Variants in TRIM49B observed in about 807,000 individuals in gnomAD.
The protein encoded by TRIM49B is putative tripartite motif-containing protein 49B.
Under a neutral mutation model 31.8 loss-of-function variants are expected in TRIM49B, and 18 were observed. The ratio of observed to expected loss-of-function variants is 0.57; its 90% CI spans 0.39 to 0.84. TRIM49B has a LOEUF of 0.84. TRIM49B is among the 40% of genes least tolerant of loss of function. TRIM49B has a pLI of 0.00. For synonymous variants in TRIM49B, 196 were observed against 180.6 expected (o/e 1.09, Z -0.68); for missense variants, 494 against 538.7 (o/e 0.92, Z 0.82).
At chr11:49,034,054 T>C in intron 3 of TRIM49B, 92 bp from the exon 4 acceptor site, 5 of 1,603,356 alleles carry the variant, frequency 3.1e-6, no homozygotes, top group African/African-American at 2.7e-5. Context: ...AGGTTTGAAC[T>C]ATTGGACATT....
At position 49,030,503 on chromosome 11, in the gene TRIM49B, T is replaced by G. The variant is rs550022558; in HGVS notation, c.-4-1093T>G. On this transcript the variant is annotated intron_variant, in intron 1 of 6. Coordinates refer to ENST00000332682, the MANE Select transcript of TRIM49B (RefSeq NM_001206626.2). The stretch of plus-strand genomic sequence containing the variant: ...CCAACATAGGCTGTCTCTAAGCTGG[T>G]GTCCTGAGAATACCGGTATCCTGGC... Among the ~76,000 whole-genome samples, 60 of 152,260 alleles carry G rather than the reference T, an allele frequency of 3.9e-4. 1 individual carries two copies. The highest frequency in any genetic ancestry group is 1.4e-3 in the African/African-American group (58 of 41,540).
intron 5 of TRIM49B, 29 bp from the exon 6 acceptor site, chr11:49,036,272 A>G (rs775902141): frequency 1.6e-5 from 26 of 1,577,686 alleles, no homozygotes; most frequent in Middle Eastern, 4.6e-4. Context: ...ATGGCTGTAG[A>G]TGTTGTAACT....
At chr11:49,036,126 T>C (rs1401076718) in intron 5 of TRIM49B, among the ~76,000 whole-genome samples, 175 bp from the exon 6 acceptor site, 2 of 152,182 alleles carry the variant, frequency 1.3e-5, no homozygotes, top group Non-Finnish European at 2.9e-5. Context: ...GATTCTTCCA[T>C]CATGCTTAAA....
At chr11:49,030,108 C>A (rs184987997) in intron 1 of TRIM49B, among the ~76,000 whole-genome samples, 184 of 152,278 alleles carry the variant, frequency 1.2e-3, no homozygotes, top group Non-Finnish European at 1.9e-3. Flanking sequence ...CCAAAGCGGG[C>A]AGATAACCTG....
At chr11:49,035,339 A>G (rs1313943326) in intron 5 of TRIM49B, among the ~76,000 whole-genome samples, 1 of 56,774 alleles carries the variant, frequency 1.8e-5, no homozygotes, top group African/African-American at 7.5e-5. Context: ...TTGATTCCTG[A>G]TTTTTTTTTT....
intron 1 of TRIM49B, among the ~76,000 whole-genome samples, chr11:49,030,948 C>T (rs576223295): frequency 1.3e-5 from 2 of 150,568 alleles, no homozygotes; most frequent in Admixed American, 1.3e-4. Context: ...TACTAGTGAA[C>T]CTTGATTGGT....
chr11:49,029,343 A>G (rs1460405030), intron 1 of TRIM49B, among the ~76,000 whole-genome samples: 3 of 152,124 alleles, frequency 2.0e-5, no homozygotes, highest in Non-Finnish European at 4.4e-5. Context: ...TGCTTTCATA[A>G]CATTCAGGTT....
rs1377733363 is a variant in TRIM49B, at chr11:49,038,140, G to A, written c.*163G>A. The A allele has an allele frequency of 4.2e-6, 6 of 1,442,018 alleles. No individual in the cohort carries two copies. The highest frequency in any genetic ancestry group is 5.6e-6 in the Non-Finnish European group (6 of 1,079,372). The allele number at this position is 1,442,018 out of a possible 1,614,324, so 89.3% of individuals were successfully genotyped here. ...CATTTATTGTGTTACTATTAAATAT[G>A]CTGAAAACACTAAAAGTATATGTAT... On this transcript the variant is annotated 3_prime_UTR_variant, in exon 7 of 7. Transcript: ENST00000332682.
Position 49,031,619 on chromosome 11 carries a change from A to C in TRIM49B, c.20A>C (p.Gln7Pro), listed in dbSNP as rs772670849. Reference sequence around the variant, plus strand: ...AGAAACATGAATTCTGGAATCTTACAGGTCTTTCAGAGGGAACTCATCTGC... The same window carrying C: ...AGAAACATGAATTCTGGAATCTTACCGGTCTTTCAGAGGGAACTCATCTGC... MNSGILQVFQRELICPI... is the reference protein window; with the variant it reads MNSGILPVFQRELICPI... The change falls in exon 2 of 7, where the codon CAG becomes CCG. Residue 7 changes from glutamine (Q) to proline (P), a missense_variant. Physicochemically the swap from Gln to Pro is moderately conservative, Grantham distance 76 (BLOSUM62 -1). Coordinates refer to ENST00000332682, the MANE Select transcript of TRIM49B (RefSeq NM_001206626.2). 1.1e-5 allele frequency: 18 copies of C among 1,613,798 alleles called. No individual in the cohort carries two copies. The African/African-American group carries it at 2.3e-4, about 20-fold the overall frequency.
intron 1 of TRIM49B, 129 bp from the exon 2 acceptor site, chr11:49,031,467 A>G: frequency 6.7e-7 from 1 of 1,487,602 alleles, no homozygotes; most frequent in Non-Finnish European, 9.0e-7. Flanking sequence ...TTGTAACAGA[A>G]GAAATAGTTT....
At chr11:49,032,651 G>T (rs1343781160) in intron 3 of TRIM49B, among the ~76,000 whole-genome samples, 1 of 151,796 alleles carries the variant, frequency 6.6e-6, no homozygotes, top group Non-Finnish European at 1.5e-5. Flanking sequence ...CAAGAAACTG[G>T]GCCATCGCAC....
At chr11:49,035,239 T>C (rs1854508094) in intron 5 of TRIM49B, 122 bp downstream of exon 5, 11 of 1,513,290 alleles carry the variant, frequency 7.3e-6, no homozygotes, top group South Asian at 2.6e-5. Context: ...TACCACTTTT[T>C]TTTTGCATCT....
Position 49,031,747 on chromosome 11 carries a change from G to A in TRIM49B, c.148G>A (p.Val50Ile). 6.2e-7 allele frequency: 1 copy of A among 1,613,932 alleles called. No homozygotes were observed. Among genetic ancestry groups the A allele is most frequent in the African/African-American group, 1.3e-5 (1 of 75,034 alleles). The change falls in exon 2 of 7, where the codon GTC becomes ATC. Residue 50 changes from valine (V) to isoleucine (I), a missense_variant. Transcript: ENST00000332682. Reference protein sequence around the residue: ...YLNWKDSPFLVQCSECTKSTG... With the variant: ...YLNWKDSPFLIQCSECTKSTG... ...CAACTGGAAAGACAGCCCATTTCTTGTCCAGTGCTCTGAATGCACAAAGTC... is the reference window on the plus strand; with the variant it reads ...CAACTGGAAAGACAGCCCATTTCTTATCCAGTGCTCTGAATGCACAAAGTC...
rs554781750 is a variant in TRIM49B, at chr11:49,034,163, G to C, written c.525G>C (p.Arg175Ser). Reference sequence around the variant, plus strand: ...CACTGCAGGATTATGTGAATTTAAGGCTAGAAGCAATTAGAGCTGAGTATC... The same window carrying C: ...CACTGCAGGATTATGTGAATTTAAGCCTAGAAGCAATTAGAGCTGAGTATC... ...TRCWKDYVNLRLEAIRAEYQK... is the reference protein window; with the variant it reads ...TRCWKDYVNLSLEAIRAEYQK... The change falls in exon 4 of 7, where the codon AGG becomes AGC. Residue 175 changes from arginine (R) to serine (S), a missense_variant. By Grantham distance (110) the Arg-to-Ser change is moderately radical (BLOSUM62 -1). Coordinates refer to ENST00000332682, the MANE Select transcript of TRIM49B (RefSeq NM_001206626.2). The C allele has an allele frequency of 2.5e-5, 40 of 1,611,828 alleles. No individual in the cohort carries two copies. The South Asian group carries it at 3.6e-4, about 15-fold the overall frequency.
chr11:49,029,936 G>T (rs182525751), intron 1 of TRIM49B, among the ~76,000 whole-genome samples: 198 of 152,270 alleles, frequency 1.3e-3, no homozygotes, highest in African/African-American at 4.5e-3. Context: ...ATACTGTACA[G>T]GTTTGTAGCC....
chr11:49,038,081 A>C lies in TRIM49B; in HGVS notation c.*104A>C, dbSNP rs543822967. 4.5e-6 allele frequency: 7 copies of C among 1,557,112 alleles called. No individual in the cohort carries two copies. The East Asian group carries it at 1.6e-4, about 35-fold the overall frequency. ...ATACAGGACAAATAGGCTCTATTTT[A>C]TATCTTGAATTGCCTTCTAATGTTA... On this transcript the variant is annotated 3_prime_UTR_variant, in exon 7 of 7. Coordinates refer to ENST00000332682, the MANE Select transcript of TRIM49B (RefSeq NM_001206626.2).
At chr11:49,037,417 T>G in intron 6 of TRIM49B, 61 bp from the exon 7 acceptor site, 1 of 1,522,570 alleles carries the variant, frequency 6.6e-7, no homozygotes, top group Non-Finnish European at 8.8e-7. Context: ...AGTAACTTCT[T>G]GATAGACAAT....
rs1270374893 is a variant in TRIM49B at position 49,037,463 on chromosome 11, C to G, written c.860-15C>G. On this transcript the variant is annotated splice_polypyrimidine_tract_variant and intron_variant, in intron 6 of 6. Transcript: ENST00000332682. ...TTATTTACACGTCTATGCATGTTTT[C>G]TCTTTTTTTTGCAGTGCATATTACT... 8 of 1,605,202 alleles carry G rather than the reference C, an allele frequency of 5.0e-6. No individual in the cohort carries two copies. The highest frequency in any genetic ancestry group is 6.8e-6 in the Non-Finnish European group (8 of 1,176,828).
intron 1 of TRIM49B, among the ~76,000 whole-genome samples, chr11:49,031,107 C>G (rs1449443150): frequency 6.6e-6 from 1 of 151,542 alleles, no homozygotes; most frequent in Non-Finnish European, 1.5e-5. Context: ...TAAACTTGTG[C>G]CATGGTGGTT....
Sources: allele counts gnomAD v4.1 joint callset (sites outside exome capture counted in the v4.1 genomes callset), GRCh38; gene constraint gnomAD v4.1.1; transcripts MANE v1.5; gene names NCBI Gene and HGNC (gene_info 2026-07-23, HGNC 2026-07-21).